The following AOPEP variants were observed in gnomAD, a reference collection of about 807,000 sequenced individuals.
The protein encoded by AOPEP is aminopeptidase O.
In AOPEP, 77 loss-of-function variants were observed where a neutral mutation model predicts 98.1. That is an observed-to-expected ratio of 0.78 (90% CI 0.65 to 0.95). The LOEUF (loss-of-function observed/expected upper bound fraction) is 0.95, where lower values mean the gene tolerates loss of function less well. AOPEP is among the 40% of genes least tolerant of loss of function. The pLI is 0.00. For synonymous variants in AOPEP, 346 were observed against 365.3 expected (o/e 0.95, Z 0.60); for missense variants, 1,024 against 1,024.7 (o/e 1.00, Z 0.01).
intron 3 of AOPEP, among the ~76,000 whole-genome samples, chr9:94,776,119 C>T (rs1367289525): frequency 6.6e-6 from 1 of 152,072 alleles, no homozygotes; most frequent in Non-Finnish European, 1.5e-5. Flanking sequence ...CCCAGACATC[C>T]AGTAACACTT....
chr9:95,051,281 C>T (rs947337469), intron 13 of AOPEP, among the ~76,000 whole-genome samples: 2 of 151,246 alleles, frequency 1.3e-5, no homozygotes, highest in African/African-American at 4.9e-5. Flanking sequence ...GTAGAGATGG[C>T]GTTTCACCAT....
chr9:94,986,709 G>A (rs1431697014), intron 11 of AOPEP, among the ~76,000 whole-genome samples: 1 of 151,970 alleles, frequency 6.6e-6, no homozygotes, highest in African/African-American at 2.4e-5. Flanking sequence ...TAACATTGGG[G>A]CATCTGATTT....
chr9:94,835,055 G>A (rs534352958), intron 5 of AOPEP, among the ~76,000 whole-genome samples: 5 of 152,204 alleles, frequency 3.3e-5, no homozygotes, highest in African/African-American at 1.2e-4. Context: ...AGTGTAGAGT[G>A]TCGAAGTAGA....
intron 5 of AOPEP, among the ~76,000 whole-genome samples, chr9:94,862,238 G>A (rs2045112490): frequency 1.3e-5 from 2 of 152,128 alleles, no homozygotes; most frequent in African/African-American, 4.8e-5. Context: ...CACTGGGCTG[G>A]CTGAGCAGGA....
At chr9:94,939,806 G>A (rs79083625) in intron 7 of AOPEP, among the ~76,000 whole-genome samples, 2,358 of 152,300 alleles carry the variant, frequency 0.015, 64 homozygotes, top group African/African-American at 0.053. Context: ...AGGATGCATA[G>A]TCAGCCTTGT....
the AOPEP span, chr9:95,111,658 A>G: frequency 3.7e-6 from 6 of 1,614,056 alleles, no homozygotes; most frequent in East Asian, 2.2e-5. Flanking sequence ...GGCAGAACAC[A>G]TGGCAGTTGA....
chr9:95,095,356 C>T, the AOPEP span, among the ~76,000 whole-genome samples: 4 of 152,180 alleles, frequency 2.6e-5, no homozygotes, highest in East Asian at 1.9e-4. Context: ...TGGTTGGGAG[C>T]ACCTGGGCTT....
chr9:94,967,621 G>T (rs2059286508), intron 9 of AOPEP, 137 bp from the exon 10 acceptor site: 2 of 660,050 alleles, frequency 3.0e-6, no homozygotes, highest in Non-Finnish European at 2.7e-6. Flanking sequence ...TGAGTCTATA[G>T]TCTTTTAAGT....
the AOPEP span, among the ~76,000 whole-genome samples, chr9:95,093,455 G>A: frequency 3.3e-5 from 5 of 152,192 alleles, no homozygotes; most frequent in African/African-American, 1.2e-4. Context: ...TACAGATGGT[G>A]CCTGGCCTCC....
intron 11 of AOPEP, among the ~76,000 whole-genome samples, chr9:94,995,327 T>C (rs1331086117): frequency 1.3e-5 from 2 of 152,212 alleles, no homozygotes; most frequent in African/African-American, 4.8e-5. Context: ...CATTTACTGG[T>C]CTATTTTGTG....
At chr9:94,854,988 A>T (rs2043998986) in intron 5 of AOPEP, among the ~76,000 whole-genome samples, 1 of 152,248 alleles carries the variant, frequency 6.6e-6, no homozygotes, top group South Asian at 2.1e-4. Context: ...CAGATTCTAT[A>T]CATACTCTAA....
the AOPEP span, chr9:95,107,117 G>A: frequency 6.2e-7 from 1 of 1,614,240 alleles, no homozygotes; most frequent in Non-Finnish European, 8.5e-7. Flanking sequence ...CCCAGAGCAG[G>A]AAGTTGAGGA....
the AOPEP span, among the ~76,000 whole-genome samples, chr9:95,132,583 G>A: frequency 4.8e-4 from 73 of 152,288 alleles, no homozygotes; most frequent in African/African-American, 1.5e-3. Context: ...GCTACCAACC[G>A]TGGCAGACAG....
chr9:95,117,481 A>C, the AOPEP span: 1 of 965,302 alleles, frequency 1.0e-6, no homozygotes. Flanking sequence ...TGCCCAAAAA[A>C]GACCCACCAG....
intron 6 of AOPEP, among the ~76,000 whole-genome samples, chr9:94,924,861 C>T (rs2054071726): frequency 6.6e-6 from 1 of 152,362 alleles, no homozygotes; most frequent in East Asian, 1.9e-4. Flanking sequence ...GCAAGACAAA[C>T]ATACCCAGAA....
chr9:94,772,457 T>C (rs975903807), intron 2 of AOPEP, among the ~76,000 whole-genome samples: 1 of 152,230 alleles, frequency 6.6e-6, no homozygotes, highest in African/African-American at 2.4e-5. Context: ...CCTGTTCATA[T>C]GCCAGCCCCT....
chr9:95,114,064 AAGAC>A, the AOPEP span: 3 of 175,714 alleles, frequency 1.7e-5, no homozygotes, highest in East Asian at 1.3e-4. Context: ...TCCAGCCTGA[AAGAC>A]AGAGCAAGAC....
chr9:95,149,482 A>AT, the AOPEP span, among the ~76,000 whole-genome samples: 912 of 146,564 alleles, frequency 6.2e-3, 15 homozygotes, highest in South Asian at 0.051. Context: ...ATCCTCAGTA[A>AT]TTTTTTTTTT....
chr9:95,083,334 G>A (rs539919430), intron 16 of AOPEP, among the ~76,000 whole-genome samples: 6 of 143,298 alleles, frequency 4.2e-5, no homozygotes, highest in Admixed American at 1.4e-4. Flanking sequence ...CACAGAGCAC[G>A]CACAGCACAC....
Sources: allele counts gnomAD v4.1 joint callset (sites outside exome capture counted in the v4.1 genomes callset), GRCh38; gene constraint gnomAD v4.1.1; transcripts MANE v1.5; gene names NCBI Gene and HGNC (gene_info 2026-07-23, HGNC 2026-07-21).